Variants in GRID2 observed in about 807,000 individuals in gnomAD.
GRID2 encodes the protein glutamate receptor ionotropic, delta-2.
A neutral mutation model predicts 114.8 loss-of-function variants in GRID2; 33 were observed. That is an observed-to-expected ratio of 0.29 (90% confidence interval 0.22 to 0.38). The LOEUF (loss-of-function observed/expected upper bound fraction) is 0.38. Among genes scored for constraint, GRID2 ranks in the 10% least tolerant of loss-of-function variants. The pLI is 1.00. For synonymous variants in GRID2, 505 were observed against 449.9 expected, an observed-to-expected ratio of 1.12 and a Z score of -1.55; for missense variants, 1,184 against 1,257.7, an observed-to-expected ratio of 0.94 and a Z score of 0.89.
chr4:92,804,597 T>C (rs1054644302), intron 2 of GRID2, among the ~76,000 whole-genome samples: 5 of 152,058 alleles, frequency 3.3e-5, no homozygotes, highest in Admixed American at 6.6e-5. Context: ...TTCTTTTGAG[T>C]AAGAAATTGT....
chr4:92,474,959 A>C (rs1579429477), intron 1 of GRID2, among the ~76,000 whole-genome samples: 1 of 11,086 alleles, frequency 9.0e-5, no homozygotes, highest in Non-Finnish European at 1.7e-4. Flanking sequence ...TGATTGTTTT[A>C]ATTTTTTTGG....
chr4:93,363,781 C>T (rs890497299), intron 8 of GRID2, among the ~76,000 whole-genome samples: 2 of 151,862 alleles, frequency 1.3e-5, no homozygotes, highest in Admixed American at 6.6e-5. Flanking sequence ...CACCCCTTTA[C>T]TTCCTCTTCA....
chr4:93,118,043 C>T (rs1733445589), intron 4 of GRID2, among the ~76,000 whole-genome samples: 1 of 152,058 alleles, frequency 6.6e-6, no homozygotes, highest in African/African-American at 2.4e-5. Context: ...CTCACACCTA[C>T]CTTTTATTTG....
At chr4:93,506,339 A>T (rs919885896) in intron 12 of GRID2, among the ~76,000 whole-genome samples, 1 of 152,166 alleles carries the variant, frequency 6.6e-6, no homozygotes, top group African/African-American at 2.4e-5. Context: ...TTTGTAATCT[A>T]ATCTACCACA....
At chr4:93,403,699 T>A (rs967193895) in intron 9 of GRID2, among the ~76,000 whole-genome samples, 1 of 152,056 alleles carries the variant, frequency 6.6e-6, no homozygotes, top group African/African-American at 2.4e-5. Context: ...CCCACTAGGA[T>A]GGCTATATTC....
At chr4:92,960,660 A>T (rs879704849) in intron 2 of GRID2, among the ~76,000 whole-genome samples, 2 of 152,016 alleles carry the variant, frequency 1.3e-5, no homozygotes, top group African/African-American at 2.4e-5. Flanking sequence ...TGCAGACAAA[A>T]TATAGTCTTG....
chr4:93,492,668 C>A (rs1342402030), intron 12 of GRID2, among the ~76,000 whole-genome samples: 2 of 151,822 alleles, frequency 1.3e-5, no homozygotes, highest in Non-Finnish European at 2.9e-5. Flanking sequence ...TAATTGGTAT[C>A]TACCATTCAG....
At chr4:93,565,722 A>G (rs192961781) in intron 13 of GRID2, among the ~76,000 whole-genome samples, 47 of 152,330 alleles carry the variant, frequency 3.1e-4, no homozygotes, top group African/African-American at 6.0e-4. Flanking sequence ...AAATCCTAGC[A>G]TACGTCTAAC....
In GRID2 at chr4:93,362,282, C is replaced by T. The variant is rs775318246; in HGVS notation, c.1246-33325C>T. 7.9e-5 allele frequency among the ~76,000 whole-genome samples: 12 copies of T among 152,104 alleles called. No individual in the cohort carries two copies. In the South Asian group the frequency reaches 2.5e-3, roughly 32 times the overall value. On this transcript the variant is annotated intron_variant, in intron 8 of 15. Transcript: ENST00000282020. The stretch of plus-strand genomic sequence containing the variant: ...AGAATGCCATTACTTGTTATTCACA[C>T]CACTTACTAGTCTGCTTGTGGGTGT...
chr4:92,889,112 C>T (rs1218218696), intron 2 of GRID2, among the ~76,000 whole-genome samples: 1 of 152,000 alleles, frequency 6.6e-6, no homozygotes, highest in Admixed American at 6.6e-5. Context: ...AGGAAAAATA[C>T]GTTGTTCATC....
chr4:92,689,818 C>A (rs1394803068), intron 2 of GRID2, among the ~76,000 whole-genome samples: 1 of 152,180 alleles, frequency 6.6e-6, no homozygotes, highest in Non-Finnish European at 1.5e-5. Context: ...GAGATAGCTT[C>A]TTTGGCTAAA....
intron 1 of GRID2, among the ~76,000 whole-genome samples, chr4:92,502,520 G>A (rs1723735870): frequency 6.6e-6 from 1 of 151,938 alleles, no homozygotes; most frequent in Non-Finnish European, 1.5e-5. Context: ...AGAAAGAAAT[G>A]TTCTGAGTAA....
intron 13 of GRID2, among the ~76,000 whole-genome samples, chr4:93,621,403 T>C (rs902633331): frequency 1.2e-4 from 18 of 152,154 alleles, no homozygotes; most frequent in African/African-American, 4.3e-4. Context: ...ACCTGGAATA[T>C]GCTGACATGA....
At chr4:93,628,119 A>G (rs1015376006) in intron 14 of GRID2, among the ~76,000 whole-genome samples, 1 of 152,188 alleles carries the variant, frequency 6.6e-6, no homozygotes, top group Non-Finnish European at 1.5e-5. Flanking sequence ...GGTTATAGTG[A>G]GCCAAAAGTG....
At chr4:93,394,628 C>T (rs1215211696) in intron 8 of GRID2, among the ~76,000 whole-genome samples, 1 of 151,912 alleles carries the variant, frequency 6.6e-6, no homozygotes, top group Non-Finnish European at 1.5e-5. Flanking sequence ...TATGACCATT[C>T]AGTTAATCAA....
At chr4:92,375,053 A>C (rs1729290677) in intron 1 of GRID2, among the ~76,000 whole-genome samples, 1 of 152,156 alleles carries the variant, frequency 6.6e-6, no homozygotes. Flanking sequence ...CAGCCATGAC[A>C]GTGTAGAGTG....
At chr4:92,791,607 A>G (rs1739596306) in intron 2 of GRID2, among the ~76,000 whole-genome samples, 1 of 151,900 alleles carries the variant, frequency 6.6e-6, no homozygotes, top group Admixed American at 6.6e-5. Context: ...AAAAAGCATG[A>G]CAGTAATATG....
chr4:93,248,627 C>T (rs1333033363), intron 8 of GRID2, among the ~76,000 whole-genome samples: 2 of 152,118 alleles, frequency 1.3e-5, no homozygotes, highest in African/African-American at 2.4e-5. Context: ...GGGGATTACA[C>T]ATTCTCTTTT....
chr4:93,216,189 A>T (rs529153447), intron 5 of GRID2, among the ~76,000 whole-genome samples: 1 of 77,348 alleles, frequency 1.3e-5, no homozygotes, highest in South Asian at 4.0e-4. Flanking sequence ...CTAATAAATT[A>T]TTAGAAAAAC....
Sources: allele counts gnomAD v4.1 joint callset (sites outside exome capture counted in the v4.1 genomes callset), GRCh38; gene constraint gnomAD v4.1.1; transcripts MANE v1.5; gene names NCBI Gene and HGNC (gene_info 2026-07-23, HGNC 2026-07-21).